The following FSTL5 variants were observed in gnomAD, a reference collection of about 807,000 sequenced individuals.
The protein encoded by FSTL5 is follistatin-related protein 5.
A neutral mutation model predicts 89.1 loss-of-function variants in FSTL5; 62 were observed. The observed-to-expected ratio is 0.70, with a 90% CI of 0.57 to 0.86. The LOEUF is 0.86. Among genes scored for constraint, FSTL5 ranks in the 40% least tolerant of loss-of-function variants. The pLI, the probability that FSTL5 is intolerant of heterozygous loss-of-function variation, is 0.00. For synonymous variants in FSTL5, 383 were observed against 346.2 expected (o/e 1.11, Z -1.18); for missense variants, 1,057 against 1,001.6 (o/e 1.06, Z -0.75).
chr4:161,868,756 T>C (rs1732169609), intron 4 of FSTL5, among the ~76,000 whole-genome samples: 1 of 152,188 alleles, frequency 6.6e-6, no homozygotes. Flanking sequence ...TTGTAAAAGT[T>C]AGACCAGATA....
rs539091397 is a variant in FSTL5 at position 162,069,867 on chromosome 4, T to G, written c.127-36209A>C. ...TAATAAACATGGGAATGCAGATATC[T>G]CTTTGATATACTAATTTTTTTTCTT... is the stretch of plus-strand genomic sequence containing the variant. On this transcript the variant is annotated intron_variant, in intron 2 of 15. Transcript: ENST00000306100. Among the ~76,000 whole-genome samples the G allele has an allele frequency of 1.2e-4, 17 of 137,132 alleles. No homozygotes were observed. In the South Asian group the frequency reaches 4.0e-3, roughly 32 times the overall value. 90.0% of individuals were successfully genotyped at this position (137,132 alleles called of 152,430 possible).
intron 4 of FSTL5, among the ~76,000 whole-genome samples, chr4:161,788,104 G>A (rs149264322): frequency 3.2e-3 from 488 of 152,068 alleles, no homozygotes; most frequent in Non-Finnish European, 3.7e-3. Flanking sequence ...AATGAATTGC[G>A]GATACTCTTT....
intron 3 of FSTL5, among the ~76,000 whole-genome samples, chr4:161,928,960 T>C (rs901493515): frequency 5.9e-5 from 9 of 151,772 alleles, no homozygotes; most frequent in African/African-American, 2.2e-4. Flanking sequence ...TAAAATGTCT[T>C]CACCAAACTC....
rs148747320 is a variant in FSTL5 at position 161,559,501 on chromosome 4, A to G, written c.1016-16808T>C. The stretch of plus-strand genomic sequence containing the variant: ...TAAAATTGTCACTTCTAATTTCATT[A>G]TTTTTGAACAGACAATGCATTCACA... On this transcript the variant is annotated intron_variant, in intron 8 of 15. Coordinates refer to ENST00000306100, the MANE Select transcript of FSTL5 (RefSeq NM_020116.5). Among the ~76,000 whole-genome samples the G allele has an allele frequency of 4.0e-3, 611 of 151,830 alleles. 2 individuals are homozygous for G. Among genetic ancestry groups the G allele is most frequent in the Middle Eastern group, 6.8e-3 (2 of 294 alleles).
At chr4:161,708,561 G>A (rs1348284975) in intron 6 of FSTL5, among the ~76,000 whole-genome samples, 1 of 151,878 alleles carries the variant, frequency 6.6e-6, no homozygotes, top group Non-Finnish European at 1.5e-5. Context: ...GCATCATTTA[G>A]CGCCTTCAGT....
At chr4:161,408,515 T>C (rs1277232311) in intron 15 of FSTL5, among the ~76,000 whole-genome samples, 1 of 152,180 alleles carries the variant, frequency 6.6e-6, no homozygotes, top group African/African-American at 2.4e-5. Flanking sequence ...TTCAAAGTCA[T>C]AGTATCCCCT....
chr4:161,885,816 G>T (rs1277094606), intron 4 of FSTL5, among the ~76,000 whole-genome samples: 1 of 152,094 alleles, frequency 6.6e-6, no homozygotes, highest in Non-Finnish European at 1.5e-5. Flanking sequence ...TGGTTTGGGA[G>T]ATAGTATTGT....
At chr4:161,458,454 A>G (rs982709603) in intron 14 of FSTL5, among the ~76,000 whole-genome samples, 24 of 152,214 alleles carry the variant, frequency 1.6e-4, no homozygotes, top group Non-Finnish European at 2.6e-4. Context: ...AGAAACATTA[A>G]AAGTCTTGGT....
chr4:161,789,956 G>C (rs751599406), intron 4 of FSTL5, among the ~76,000 whole-genome samples: 1 of 152,042 alleles, frequency 6.6e-6, no homozygotes, highest in Non-Finnish European at 1.5e-5. Context: ...CACAAAACAA[G>C]CTTCAAAAAA....
chr4:162,109,496 C>G (rs1436078115), intron 2 of FSTL5, among the ~76,000 whole-genome samples: 3 of 152,010 alleles, frequency 2.0e-5, no homozygotes, highest in Admixed American at 2.0e-4. Context: ...TAAAGACATA[C>G]AGATATATAA....
chr4:161,611,584 G>A (rs2126635971), intron 7 of FSTL5, among the ~76,000 whole-genome samples: 1 of 152,194 alleles, frequency 6.6e-6, no homozygotes, highest in East Asian at 1.9e-4. Flanking sequence ...TCAAGGCACT[G>A]TATATAGAAG....
intron 3 of FSTL5, among the ~76,000 whole-genome samples, chr4:161,991,579 C>T (rs1354958220): frequency 6.6e-6 from 1 of 152,108 alleles, no homozygotes; most frequent in Non-Finnish European, 1.5e-5. Context: ...TTGACTTATA[C>T]AGGGATTCTT....
intron 3 of FSTL5, among the ~76,000 whole-genome samples, chr4:161,975,387 A>G (rs1031649230): frequency 2.0e-5 from 3 of 152,086 alleles, no homozygotes; most frequent in African/African-American, 7.2e-5. Context: ...GATTAAGAAA[A>G]TGTGGCACAT....
chr4:161,779,900 A>G (rs141878624), intron 4 of FSTL5, among the ~76,000 whole-genome samples: 15 of 145,730 alleles, frequency 1.0e-4, no homozygotes, highest in African/African-American at 3.7e-4. Flanking sequence ...GAACACACAC[A>G]CACATGCACA....
At chr4:161,527,406 GC>G (rs1413108285) in intron 10 of FSTL5, among the ~76,000 whole-genome samples, 2 of 152,106 alleles carry the variant, frequency 1.3e-5, no homozygotes, top group African/African-American at 4.8e-5. Flanking sequence ...CTGACAAAGG[GC>G]TAATAGCCAG....
intron 2 of FSTL5, among the ~76,000 whole-genome samples, chr4:162,062,453 T>G (rs1279994013): frequency 6.6e-6 from 1 of 151,852 alleles, no homozygotes; most frequent in Non-Finnish European, 1.5e-5. Flanking sequence ...GTCTTTCCTA[T>G]CCAGTACAGT....
intron 4 of FSTL5, among the ~76,000 whole-genome samples, chr4:161,865,891 T>C (rs985076268): frequency 3.9e-5 from 6 of 152,228 alleles, no homozygotes; most frequent in African/African-American, 1.4e-4. Context: ...TCTTTCCAGC[T>C]GCTGCATATC....
chr4:162,083,523 TA>T (rs140836333), intron 2 of FSTL5, among the ~76,000 whole-genome samples: 8,409 of 151,730 alleles, frequency 0.055, 315 homozygotes, highest in Middle Eastern at 0.089. Context: ...ACAGCTTTAT[TA>T]AAAGAAAATG....
chr4:161,500,135 CT>C lies in FSTL5; in HGVS notation c.1340-2del. The C allele has an allele frequency of 6.5e-7, 1 of 1,537,262 alleles. No individual in the cohort carries two copies. The highest frequency in any genetic ancestry group is 8.9e-7 in the Non-Finnish European group (1 of 1,119,770). On this transcript the variant is annotated splice_acceptor_variant, in intron 11 of 15. Transcript: ENST00000306100. LOFTEE classifies it high-confidence loss of function. ...TAGAACATGTTCCCAATTCCCAGAC[CT>C]TAGGAATAAAAACACATTTAAATGT...
Sources: gnomAD v4.1 joint callset for allele counts (sites outside exome capture counted in the v4.1 genomes callset) on GRCh38, gnomAD v4.1.1 for gene constraint, MANE v1.5 for transcripts, NCBI Gene and HGNC (gene_info 2026-07-23, HGNC 2026-07-21) for gene names.